The following CSMD1 variants were observed in gnomAD, a reference collection of about 807,000 sequenced individuals.
CSMD1 encodes the protein CUB and sushi domain-containing protein 1.
In CSMD1, 213 loss-of-function variants were observed where a neutral mutation model predicts 417.5. That is an observed-to-expected ratio of 0.51 (90% confidence interval 0.46 to 0.57). The LOEUF (loss-of-function observed/expected upper bound fraction) is 0.57. Ranked by LOEUF, CSMD1 falls within the 20% of genes least tolerant of loss-of-function variation. The probability of loss-of-function intolerance (pLI) is 0.00; values close to 1 mark genes in which losing one functional copy is unlikely to be tolerated. For synonymous variants in CSMD1, 2,862 were observed against 1,736.8 expected (o/e 1.65, Z -16.11); for missense variants, 6,923 against 4,529.7 (o/e 1.53, Z -15.17).
At chr8:4,875,147 G>A (rs886704122) in intron 1 of CSMD1, among the ~76,000 whole-genome samples, 1 of 151,704 alleles carries the variant, frequency 6.6e-6, no homozygotes, top group African/African-American at 2.4e-5. Context: ...AAGGTAGTAT[G>A]TGCTCTGCCT....
intron 7 of CSMD1, among the ~76,000 whole-genome samples, chr8:3,665,791 C>A (rs1333098305): frequency 2.0e-5 from 3 of 152,184 alleles, no homozygotes; most frequent in African/African-American, 7.2e-5. Context: ...GAGGCTATTT[C>A]TTAGAGCACC....
rs59669026 is a variant in CSMD1 at position 3,984,704 on chromosome 8, CATATATATATATATAT to C, written c.818+13183_818+13198del. On this transcript the variant is annotated intron_variant, in intron 5 of 69. Transcript: ENST00000635120. ...TGGGTTCAGGATTCAGTGTATATATCATATATATATATATATATATATATATATATATATATATATA... is the reference window on the plus strand; with the variant it reads ...TGGGTTCAGGATTCAGTGTATATATCATATATATATATATATATATATATA... 7.7e-3 allele frequency among the ~76,000 whole-genome samples: 640 copies of C among 82,830 alleles called. 5 individuals are homozygous for C. The highest frequency in any genetic ancestry group is 0.024 in the East Asian group (71 of 3,010). The allele number at this position is 82,830 out of a possible 152,430, so 54.3% of individuals were successfully genotyped here. A position where few individuals can be genotyped will look rare whatever the true frequency, so the allele number is the denominator to read the frequency against.
intron 1 of CSMD1, among the ~76,000 whole-genome samples, chr8:4,838,557 G>A (rs1228785737): frequency 6.6e-6 from 1 of 152,202 alleles, no homozygotes; most frequent in Non-Finnish European, 1.5e-5. Flanking sequence ...GCTTACACCT[G>A]GGTGGGGGTG....
chr8:4,020,913 C>G (rs189398697), intron 4 of CSMD1, among the ~76,000 whole-genome samples: 2 of 152,190 alleles, frequency 1.3e-5, no homozygotes, highest in East Asian at 1.9e-4. Flanking sequence ...TCAGCAATTG[C>G]TGAAACTTAA....
At position 4,010,429 on chromosome 8, in the gene CSMD1, G is replaced by A. The variant is rs986130186; in HGVS notation, c.611-12319C>T. Among the ~76,000 whole-genome samples, 74 of 152,236 alleles carry A rather than the reference G, an allele frequency of 4.9e-4. 1 individual carries two copies. Among genetic ancestry groups the A allele is most frequent in the Middle Eastern group, 3.4e-3 (1 of 294 alleles). On this transcript the variant is annotated intron_variant, in intron 4 of 69. Transcript: ENST00000635120. ...TGCACAAATTCTCGGTCATTTCAAT[G>A]TCAACACAGGTAATCCTGGGAAAAA...
chr8:3,293,454 T>C (rs201903229), intron 25 of CSMD1, among the ~76,000 whole-genome samples: 4 of 152,204 alleles, frequency 2.6e-5, no homozygotes, highest in Non-Finnish European at 4.4e-5. Flanking sequence ...CTGTCACTTT[T>C]AGGTACACCA....
chr8:4,353,224 C>G (rs7832586), intron 3 of CSMD1, among the ~76,000 whole-genome samples: 44,372 of 151,754 alleles, frequency 0.29, 6,759 homozygotes, highest in South Asian at 0.39. Flanking sequence ...TGAATCATGA[C>G]GACGGTTTCC....
intron 2 of CSMD1, among the ~76,000 whole-genome samples, chr8:4,430,276 G>A (rs190149963): frequency 1.3e-4 from 20 of 152,170 alleles, no homozygotes; most frequent in Admixed American, 5.2e-4. Flanking sequence ...CACATCTTAT[G>A]TTTTGGTGCT....
chr8:4,569,069 C>G (rs542952155), intron 2 of CSMD1, among the ~76,000 whole-genome samples: 7 of 152,074 alleles, frequency 4.6e-5, no homozygotes, highest in African/African-American at 1.7e-4. Flanking sequence ...CTGTAGGTTG[C>G]CTGTTCACTG....
At position 3,959,790 on chromosome 8, in the gene CSMD1, G is replaced by A. The variant is rs975091910; in HGVS notation, c.818+38113C>T. 2.0e-5 allele frequency among the ~76,000 whole-genome samples: 3 copies of A among 152,280 alleles called. No individual in the cohort carries two copies. In the East Asian group the frequency reaches 5.8e-4, roughly 29 times the overall value. On this transcript the variant is annotated intron_variant, in intron 5 of 69. Coordinates refer to ENST00000635120, the MANE Select transcript of CSMD1 (RefSeq NM_033225.6). ...CAGTTTTGTGATTGGAATAGCTGCAGGTACTCTGACCTGTTAGCACCTTCT... is the reference window on the plus strand; with the variant it reads ...CAGTTTTGTGATTGGAATAGCTGCAAGTACTCTGACCTGTTAGCACCTTCT...
intron 2 of CSMD1, among the ~76,000 whole-genome samples, chr8:4,475,707 G>A (rs1440301438): frequency 6.6e-6 from 1 of 150,822 alleles, no homozygotes; most frequent in Admixed American, 6.6e-5. Flanking sequence ...GCTGCCTCTG[G>A]GTTCAAGGGA....
rs116558613 is a variant in CSMD1, at chr8:3,871,789, G to T, written c.819-117747C>A. ...TGGATGACATAAAGATTAAATGTAA[G>T]AGTTGTTGATGTGAATGAAGTGTGA... On this transcript the variant is annotated intron_variant, in intron 5 of 69. Coordinates refer to ENST00000635120, the MANE Select transcript of CSMD1 (RefSeq NM_033225.6). Among the ~76,000 whole-genome samples the T allele has an allele frequency of 3.8e-3, 573 of 152,304 alleles. 4 individuals carry two copies. The highest frequency in any genetic ancestry group is 0.013 in the African/African-American group (540 of 41,566).
chr8:3,617,353 G>C (rs1285750443), intron 7 of CSMD1, among the ~76,000 whole-genome samples: 2 of 152,162 alleles, frequency 1.3e-5, no homozygotes, highest in African/African-American at 4.8e-5. Context: ...CTCCTGTTGG[G>C]ACTTGCACCA....
chr8:4,173,130 C>T (rs764493831), intron 3 of CSMD1, among the ~76,000 whole-genome samples: 1 of 152,062 alleles, frequency 6.6e-6, no homozygotes, highest in Non-Finnish European at 1.5e-5. Context: ...CTATACAGTG[C>T]AACAAGTATA....
intron 3 of CSMD1, among the ~76,000 whole-genome samples, chr8:4,316,604 C>T (rs973846768): frequency 6.6e-6 from 1 of 151,904 alleles, no homozygotes; most frequent in Non-Finnish European, 1.5e-5. Flanking sequence ...TTGGTGTAGA[C>T]ATCAGAGACA....
chr8:3,289,365 T>C (rs1486220348), intron 25 of CSMD1, among the ~76,000 whole-genome samples: 1 of 147,378 alleles, frequency 6.8e-6, no homozygotes, highest in Non-Finnish European at 1.5e-5. Flanking sequence ...CTGGGTCAAA[T>C]GGTATTTCTA....
intron 3 of CSMD1, among the ~76,000 whole-genome samples, chr8:4,279,237 C>T (rs1796649965): frequency 6.6e-6 from 1 of 152,106 alleles, no homozygotes; most frequent in Admixed American, 6.5e-5. Flanking sequence ...CAGTCGATGG[C>T]ACAAGTGTGC....
At position 3,067,678 on chromosome 8, in the gene CSMD1, CACTA is replaced by C. The variant is rs1008742610; in HGVS notation, c.7475-15035_7475-15032del. 7.1e-3 allele frequency among the ~76,000 whole-genome samples: 1,076 copies of C among 150,632 alleles called. 7 individuals are homozygous for C. Among genetic ancestry groups the C allele is most frequent in the African/African-American group, 0.025 (1,022 of 41,206 alleles). On this transcript the variant is annotated intron_variant, in intron 49 of 69. Coordinates refer to ENST00000635120, the MANE Select transcript of CSMD1 (RefSeq NM_033225.6). ...TTAACATATAATAAAAATTTATATT[CACTA>C]ACTAGATTGTATATGAAATATACAA...
chr8:4,438,510 G>C (rs1411474811), intron 2 of CSMD1, among the ~76,000 whole-genome samples: 3 of 152,218 alleles, frequency 2.0e-5, no homozygotes, highest in Non-Finnish European at 4.4e-5. Context: ...GTAGGAAGAT[G>C]CAGGTGGAAG....
Sources: allele counts gnomAD v4.1 joint callset (sites outside exome capture counted in the v4.1 genomes callset), GRCh38; gene constraint gnomAD v4.1.1; transcripts MANE v1.5; gene names NCBI Gene and HGNC (gene_info 2026-07-23, HGNC 2026-07-21).